Variants in GPC6 observed in about 807,000 individuals in gnomAD.
GPC6 encodes glypican-6.
Under a neutral mutation model 55.2 loss-of-function variants are expected in GPC6, and 14 were observed. That is an observed-to-expected ratio of 0.25 (90% CI 0.17 to 0.40). The LOEUF (loss-of-function observed/expected upper bound fraction) is 0.40. Among genes scored for constraint, GPC6 ranks in the 10% least tolerant of loss-of-function variants. The pLI, the probability that GPC6 is intolerant of heterozygous loss-of-function variation, is 1.00. For missense variants in GPC6, 641 were observed against 708.5 expected, an observed-to-expected ratio of 0.90 and a Z score of 1.08; for synonymous variants, 278 against 259.6, an observed-to-expected ratio of 1.07 and a Z score of -0.68.
At chr13:93,596,062 G>T (rs1315154847) in intron 2 of GPC6, among the ~76,000 whole-genome samples, 1 of 152,138 alleles carries the variant, frequency 6.6e-6, no homozygotes, top group Non-Finnish European at 1.5e-5. Flanking sequence ...CAAAAACCAT[G>T]TCTATCATAC....
chr13:93,273,102 A>G (rs1172028468), intron 1 of GPC6, among the ~76,000 whole-genome samples: 1 of 152,204 alleles, frequency 6.6e-6, no homozygotes, highest in Non-Finnish European at 1.5e-5. Context: ...ATGTGAATAC[A>G]CTGTATGCTA....
rs145849719 is a variant in GPC6, at chr13:93,908,637, G to A, written c.711+78092G>A. On this transcript the variant is annotated intron_variant, in intron 3 of 8. Coordinates refer to ENST00000377047, the MANE Select transcript of GPC6 (RefSeq NM_005708.5). ...TTAGGTGGGGGAAGGAGTAACAAAT[G>A]CTGCCTCAAATTTGACTTACCTAAC... Among the ~76,000 whole-genome samples, 88 of 152,274 alleles carry A rather than the reference G, an allele frequency of 5.8e-4. 1 individual carries two copies. The highest frequency in any genetic ancestry group is 2.1e-3 in the African/African-American group (86 of 41,562).
intron 1 of GPC6, among the ~76,000 whole-genome samples, chr13:93,320,648 TACAC>T (rs923680946): frequency 9.2e-5 from 14 of 151,816 alleles, no homozygotes; most frequent in African/African-American, 3.4e-4. Flanking sequence ...TATATATATA[TACAC>T]ACACACTCTA....
chr13:93,833,533 A>T (rs1887611211), intron 3 of GPC6, among the ~76,000 whole-genome samples: 1 of 151,714 alleles, frequency 6.6e-6, no homozygotes, highest in Non-Finnish European at 1.5e-5. Context: ...AATGGAGATG[A>T]ACAAACTAGC....
chr13:94,244,622 A>G (rs1891146258), intron 4 of GPC6, among the ~76,000 whole-genome samples: 1 of 152,144 alleles, frequency 6.6e-6, no homozygotes, highest in African/African-American at 2.4e-5. Flanking sequence ...TTAAAAAAAT[A>G]GTCATAAGGT....
chr13:94,104,083 G>GT (rs1177296026), intron 4 of GPC6, among the ~76,000 whole-genome samples: 1 of 152,164 alleles, frequency 6.6e-6, no homozygotes, highest in African/African-American at 2.4e-5. Flanking sequence ...AAGGGATCCA[G>GT]TTTCAGCTTT....
chr13:93,577,468 G>A (rs959200372), intron 2 of GPC6, among the ~76,000 whole-genome samples: 3 of 142,558 alleles, frequency 2.1e-5, no homozygotes, highest in Middle Eastern at 3.3e-3. Context: ...CACCTCTACC[G>A]CTGCTGTTCA....
intron 1 of GPC6, among the ~76,000 whole-genome samples, chr13:93,256,603 G>T (rs758107932): frequency 6.6e-6 from 1 of 152,112 alleles, no homozygotes; most frequent in Non-Finnish European, 1.5e-5. Flanking sequence ...CAATCAAATG[G>T]TGACAATGAC....
intron 5 of GPC6, among the ~76,000 whole-genome samples, chr13:94,305,350 A>G (rs1359865744): frequency 1.3e-5 from 2 of 152,206 alleles, no homozygotes; most frequent in African/African-American, 2.4e-5. Flanking sequence ...TTGTTGATTC[A>G]TTAACATTGA....
At chr13:93,685,108 G>A (rs185028351) in intron 2 of GPC6, among the ~76,000 whole-genome samples, 119 of 152,288 alleles carry the variant, frequency 7.8e-4, no homozygotes, top group Non-Finnish European at 1.5e-3. Context: ...AGTTACTACA[G>A]AGAACTATTT....
intron 2 of GPC6, among the ~76,000 whole-genome samples, chr13:93,693,010 T>A (rs1044785737): frequency 7.2e-5 from 11 of 151,994 alleles, no homozygotes; most frequent in African/African-American, 2.7e-4. Context: ...GAATCTTTTC[T>A]TGCTAAAAAG....
At chr13:94,030,704 T>C (rs1183609964) in intron 4 of GPC6, among the ~76,000 whole-genome samples, 2 of 152,192 alleles carry the variant, frequency 1.3e-5, no homozygotes, top group African/African-American at 4.8e-5. Flanking sequence ...GTCAGTTGCA[T>C]GTACCTTCCC....
At chr13:93,807,694 T>C (rs1442026063) in intron 2 of GPC6, among the ~76,000 whole-genome samples, 1 of 152,212 alleles carries the variant, frequency 6.6e-6, no homozygotes, top group African/African-American at 2.4e-5. Context: ...AAACACTCAA[T>C]GCTTGATAGA....
chr13:93,497,719 C>T (rs967107387), intron 1 of GPC6, among the ~76,000 whole-genome samples: 5 of 152,220 alleles, frequency 3.3e-5, no homozygotes, highest in African/African-American at 4.8e-5. Flanking sequence ...ACAGAACTGG[C>T]ATCTTTGTGG....
intron 1 of GPC6, among the ~76,000 whole-genome samples, chr13:93,374,638 T>A (rs1481445554): frequency 6.6e-6 from 1 of 152,210 alleles, no homozygotes; most frequent in Non-Finnish European, 1.5e-5. Context: ...CTTTAATAAT[T>A]CTATGTCTTT....
At chr13:93,942,724 A>G (rs1229959746) in intron 3 of GPC6, among the ~76,000 whole-genome samples, 1 of 152,164 alleles carries the variant, frequency 6.6e-6, no homozygotes, top group East Asian at 1.9e-4. Context: ...GAGGGATTAC[A>G]CAGGGAGGGG....
At chr13:94,210,753 A>G (rs1189930259) in intron 4 of GPC6, among the ~76,000 whole-genome samples, 2 of 152,226 alleles carry the variant, frequency 1.3e-5, no homozygotes, top group South Asian at 4.1e-4. Context: ...AAATAAAAAC[A>G]TTATGAATAA....
chr13:94,335,431 T>G (rs186233187), intron 6 of GPC6, among the ~76,000 whole-genome samples: 145 of 152,268 alleles, frequency 9.5e-4, no homozygotes, highest in Middle Eastern at 3.4e-3. Context: ...TAGTATCAGG[T>G]ACAATCACAA....
At chr13:93,320,058 T>A (rs530520384) in intron 1 of GPC6, among the ~76,000 whole-genome samples, 40 of 152,246 alleles carry the variant, frequency 2.6e-4, no homozygotes, top group Non-Finnish European at 5.4e-4. Flanking sequence ...TGAAAGTGAT[T>A]TTAATGTTGG....
Sources: gnomAD v4.1 joint callset for allele counts (sites outside exome capture counted in the v4.1 genomes callset) on GRCh38, gnomAD v4.1.1 for gene constraint, MANE v1.5 for transcripts, NCBI Gene and HGNC (gene_info 2026-07-23, HGNC 2026-07-21) for gene names.